ADCY6: variants seen among roughly 807,000 people sequenced by gnomAD.
ADCY6 encodes adenylate cyclase 6, also known as adenylate cyclase type 6.
Under a neutral mutation model 111.6 loss-of-function variants are expected in ADCY6, and 59 were observed. The observed-to-expected ratio is 0.53, with a 90% CI of 0.43 to 0.66. The LOEUF (loss-of-function observed/expected upper bound fraction) is 0.66, where lower values mean the gene tolerates loss of function less well. Among genes scored for constraint, ADCY6 ranks in the 30% least tolerant of loss-of-function variants. The pLI, the probability that ADCY6 is intolerant of heterozygous loss-of-function variation, is 0.00. For missense variants in ADCY6, 1,242 were observed against 1,595.6 expected, an observed-to-expected ratio of 0.78 and a Z score of 3.78; for synonymous variants, 576 against 642.9, an observed-to-expected ratio of 0.90 and a Z score of 1.57.
In ADCY6 at chr12:48,774,476, G is replaced by C; in HGVS notation, c.2209C>G (p.Arg737Gly). The C allele has an allele frequency of 6.2e-7, 1 of 1,613,980 alleles. No homozygotes were observed. Among genetic ancestry groups the C allele is most frequent in the African/African-American group, 1.3e-5 (1 of 74,980 alleles). ...ACTGCGGTGCTATGTGCCCGTGAGC[G>C]GACAATGCTGCGGGACAGACGTTGC... ...ALQRLSRSIV[R>G]SRAHSTAVGI... The change falls in exon 14 of 22, where the codon CGC becomes GGC. Residue 737 changes from arginine (R) to glycine (G), a missense_variant. Around this residue, in one of 4 missense-constraint regions of ADCY6, gnomAD observed 375 missense variants for 432.5 expected, o/e 0.87. Coordinates refer to ENST00000357869, the MANE Select transcript of ADCY6 (RefSeq NM_015270.5).
Position 48,774,452 on chromosome 12 carries a change from C to T in ADCY6, c.2233G>A (p.Val745Ile), listed in dbSNP as rs1941637834. ...IVRSRAHSTA[V>I]GIFSVLLVFT... ...ACAAGCAGGACGGAAAAGATGCCAA[C>T]TGCGGTGCTATGTGCCCGTGAGCGG... The change falls in exon 14 of 22, where the codon GTT (valine) becomes ATT (isoleucine). Residue 745 changes from valine to isoleucine, a missense_variant. Coordinates refer to ENST00000357869, the MANE Select transcript of ADCY6 (RefSeq NM_015270.5). 6.2e-7 allele frequency: 1 copy of T among 1,614,010 alleles called. No homozygotes were observed. The highest frequency in any genetic ancestry group is 8.5e-7 in the Non-Finnish European group (1 of 1,180,002).
chr12:48,769,154 GA>G, intron 20 of ADCY6, 93 bp from the exon 21 acceptor site: 2 of 1,292,738 alleles, frequency 1.5e-6, no homozygotes, highest in South Asian at 2.2e-5. Context: ...AGGACCCAGA[GA>G]AAAAAATGGA....
chr12:48,785,386 G>A (rs897563469), intron 1 of ADCY6, among the ~76,000 whole-genome samples: 19 of 152,290 alleles, frequency 1.2e-4, no homozygotes, highest in African/African-American at 3.6e-4. Flanking sequence ...TTGGGAAGCC[G>A]AGGTGAGTGG....
chr12:48,773,603 G>A lies in ADCY6; in HGVS notation c.2487C>T (p.Val829=). Residue 829 remains valine (V), a synonymous_variant, in exon 16 of 22, where the codon GTC becomes GTT. Transcript: ENST00000357869. ...NMLLSLLASS[V]FLHISSIGKL... Reference sequence around the variant, plus strand: ...TCCCGATGCTGCTGATGTGCAGGAAGACAGAGCTGGCCAAGAGACTCAGCA... The same window carrying A: ...TCCCGATGCTGCTGATGTGCAGGAAAACAGAGCTGGCCAAGAGACTCAGCA... 1 of 1,614,156 alleles carries A rather than the reference G, an allele frequency of 6.2e-7. No individual in the cohort carries two copies.
chr12:48,788,961 TCCGG>T lies in ADCY6; in HGVS notation c.-64_-61del, dbSNP rs1159051902. On this transcript the variant is annotated 5_prime_UTR_variant, in exon 1 of 22. Transcript: ENST00000357869. ...CCCCCGCCCCGCCGCCCCCGCGGGCTCCGGCCGGCCGGCCGGCCGTCCCGCGGTC... is the reference window on the plus strand; with the variant it reads ...CCCCCGCCCCGCCGCCCCCGCGGGCTCCGGCCGGCCGGCCGTCCCGCGGTC... 17 of 95,800 alleles carry T rather than the reference TCCGG, an allele frequency of 1.8e-4. No individual in the cohort carries two copies. The East Asian group carries it at 2.3e-3, about 13-fold the overall frequency. The allele number at this position is 95,800 out of a possible 1,614,324, so 5.9% of individuals were successfully genotyped here.
chr12:48,772,460 GA>G, intron 17 of ADCY6, 36 bp from the exon 18 acceptor site: 1 of 1,614,198 alleles, frequency 6.2e-7, no homozygotes. Context: ...GTGTCTGAAG[GA>G]GGCATCTAAT....
chr12:48,773,164 C>A (rs958860472), intron 16 of ADCY6, among the ~76,000 whole-genome samples: 1 of 152,158 alleles, frequency 6.6e-6, no homozygotes, highest in Non-Finnish European at 1.5e-5. Context: ...AGAGCCCTGC[C>A]ACCAAGCAGC....
At chr12:48,770,467 A>G (rs1941505437) in intron 20 of ADCY6, among the ~76,000 whole-genome samples, 1 of 152,154 alleles carries the variant, frequency 6.6e-6, no homozygotes, top group South Asian at 2.1e-4. Context: ...CTGATTTTTA[A>G]TCCCAGCTCT....
At position 48,778,267 on chromosome 12, in the gene ADCY6, G is replaced by A. The variant is rs766557868; in HGVS notation, c.865-10C>T. ...GCACATTGGCACCGAGCTGCAGGAG[G>A]TGGCAGAGGCAGACAGTGACCATCT... On this transcript the variant is annotated splice_polypyrimidine_tract_variant and intron_variant, in intron 2 of 21. Transcript: ENST00000357869. 3.2e-5 allele frequency: 51 copies of A among 1,613,932 alleles called. No individual in the cohort carries two copies. The East Asian group carries it at 8.7e-4, about 27-fold the overall frequency.
rs2137364626 is a variant in ADCY6, at chr12:48,777,246, A to G, written c.1249-15T>C. 6.2e-7 allele frequency: 1 copy of G among 1,610,306 alleles called. No homozygotes were observed. Among genetic ancestry groups the G allele is most frequent in the Non-Finnish European group, 8.5e-7 (1 of 1,178,278 alleles). On this transcript the variant is annotated splice_polypyrimidine_tract_variant and intron_variant, in intron 5 of 21. Transcript: ENST00000357869. The surrounding 1 kb of genome is among the most constrained non-coding windows in gnomAD (Gnocchi z 4.9). ...CAGTGATTCTCCTGAATGGGAAGGA[A>G]TTGGAGGGAAGGGTAACCTTTACTC...
rs796883921 is a variant in ADCY6 at position 48,777,387 on chromosome 12, A to G, written c.1248+23T>C. 6 of 1,612,926 alleles carry G rather than the reference A, an allele frequency of 3.7e-6. No homozygotes were observed. In the African/African-American group the frequency reaches 6.7e-5, roughly 18 times the overall value. On this transcript the variant is annotated intron_variant, in intron 5 of 21. Coordinates refer to ENST00000357869, the MANE Select transcript of ADCY6 (RefSeq NM_015270.5). This position sits in a 1 kb window ranked among gnomAD's most constrained non-coding sequence, Gnocchi z 4.9. ...TCACCACGGTCAACACCCAGGCCCA[A>G]TCCCAAGGCCCAGCACCCTCACCGC...
Position 48,776,034 on chromosome 12 carries a change from C to G in ADCY6, c.1735G>C (p.Gly579Arg), listed in dbSNP as rs749842781. Reference protein sequence around the residue: ...LQRTRANSMEGLMPRWVPDRA... With the variant: ...LQRTRANSMERLMPRWVPDRA... ...TCAGGAACCCAGCGCGGCATCAGCC[C>G]TTCCATGGAGTTGGCCCGAGTCCGC... The change falls in exon 9 of 22, where the codon GGG becomes CGG. Residue 579 changes from glycine to arginine, a missense_variant. Transcript: ENST00000357869. This position sits in a 1 kb window ranked among gnomAD's most constrained non-coding sequence, Gnocchi z 6.1. The G allele has an allele frequency of 1.4e-5, 22 of 1,613,394 alleles. No individual in the cohort carries two copies. The highest frequency in any genetic ancestry group is 1.9e-5 in the Non-Finnish European group (22 of 1,179,658).
At position 48,766,519 on chromosome 12, in the gene ADCY6, G is replaced by A. The variant is rs1009085264; in HGVS notation, c.*2072C>T. 13 of 152,698 alleles carry A rather than the reference G, an allele frequency of 8.5e-5. No individual in the cohort carries two copies. Among genetic ancestry groups the A allele is most frequent in the African/African-American group, 3.1e-4 (13 of 41,454 alleles). The allele number at this position is 152,698 out of a possible 1,614,324, so 9.5% of individuals were successfully genotyped here. A position where few individuals can be genotyped will look rare whatever the true frequency, so the allele number is the denominator to read the frequency against. On this transcript the variant is annotated 3_prime_UTR_variant, in exon 22 of 22. Coordinates refer to ENST00000357869, the MANE Select transcript of ADCY6 (RefSeq NM_015270.5). Reference sequence around the variant, plus strand: ...CACCCCTACCCCATGGCACCAAGTAGTCTCTTCCTATCCCTTCCTATCCAG... The same window carrying A: ...CACCCCTACCCCATGGCACCAAGTAATCTCTTCCTATCCCTTCCTATCCAG...
upstream of ADCY6, chr12:48,789,660 T>G (rs1160703446): frequency 6.7e-6 from 1 of 148,940 alleles, no homozygotes; most frequent in Non-Finnish European, 1.5e-5. Context: ...AGTTTAATAA[T>G]TAATTAAGCT....
At chr12:48,769,929 T>C (rs1461291351) in intron 20 of ADCY6, among the ~76,000 whole-genome samples, 5 of 151,852 alleles carry the variant, frequency 3.3e-5, no homozygotes, top group African/African-American at 4.8e-5. Context: ...ACCCGGCTAA[T>C]TTTTTGTATT....
In ADCY6 at chr12:48,777,459, A is replaced by T; in HGVS notation, c.1199T>A (p.Leu400Gln). Residue 400 changes from leucine (L) to glutamine (Q), a missense_variant, in exon 5 of 22, where the codon CTG becomes CAG. Leu to Gln is a moderately radical substitution (Grantham distance 113). This residue lies in a region of ADCY6 where 260 missense variants were observed against 414.6 expected (regional missense o/e 0.63). Transcript: ENST00000357869. This position sits in a 1 kb window ranked among gnomAD's most constrained non-coding sequence, Gnocchi z 4.9. ...AAAGAGCTCATTCAGGGTCATGACC[A>T]GCTCCTGCGCAGTGCACTGGGATGC... ...SLASQCTAQE[L>Q]VMTLNELFAR... 1 of 1,614,276 alleles carries T rather than the reference A, an allele frequency of 6.2e-7. No individual in the cohort carries two copies. The highest frequency in any genetic ancestry group is 8.5e-7 in the Non-Finnish European group (1 of 1,180,052).
chr12:48,775,845 C>A (rs1941683660), intron 9 of ADCY6, 118 bp downstream of exon 9: 12 of 1,517,960 alleles, frequency 7.9e-6, no homozygotes, highest in Admixed American at 5.9e-5. Flanking sequence ...CTTCTCACTG[C>A]CCCAATACCA....
At chr12:48,781,066 C>T (rs1333096070) in intron 2 of ADCY6, among the ~76,000 whole-genome samples, 5 of 151,916 alleles carry the variant, frequency 3.3e-5, no homozygotes, top group African/African-American at 9.7e-5. Flanking sequence ...GGCATGGTGG[C>T]GCGCTCCTGT....
chr12:48,782,050 G>A lies in ADCY6; in HGVS notation c.864+521C>T, dbSNP rs562088980. On this transcript the variant is annotated intron_variant, in intron 2 of 21. Transcript: ENST00000357869. The surrounding 1 kb of genome is among the most constrained non-coding windows in gnomAD (Gnocchi z 4.3). ...AGTGGCCTTGGTCCAGGAAAGAGGG[G>A]ACTCCTCTCTTGCTGACAACATCCA... 2.6e-5 allele frequency among the ~76,000 whole-genome samples: 4 copies of A among 152,234 alleles called. No individual in the cohort carries two copies. The East Asian group carries it at 7.7e-4, about 29-fold the overall frequency.
Sources: gnomAD v4.1 joint callset for allele counts (sites outside exome capture counted in the v4.1 genomes callset) on GRCh38, gnomAD v4.1.1 for gene constraint, gnomAD v4.1.1 regional missense constraint, Gnocchi (gnomAD v3.1) non-coding constraint, MANE v1.5 for transcripts, NCBI Gene and HGNC (gene_info 2026-07-23, HGNC 2026-07-21) for gene names.